The following STK32B variants were observed in gnomAD, a reference collection of about 807,000 sequenced individuals.
The protein encoded by STK32B is serine/threonine kinase 32B.
In STK32B, 43 loss-of-function variants were observed where a neutral mutation model predicts 52.6. That is an observed-to-expected ratio of 0.82 (90% confidence interval 0.64 to 1.05). The LOEUF (loss-of-function observed/expected upper bound fraction) is 1.05. Ranked by LOEUF, STK32B falls within the 50% of genes least tolerant of loss-of-function variation. The probability of loss-of-function intolerance (pLI) is 0.00; values close to 1 mark genes in which losing one functional copy is unlikely to be tolerated. For synonymous variants in STK32B, 238 were observed against 204.3 expected (o/e 1.17, Z -1.41); for missense variants, 621 against 534.6 (o/e 1.16, Z -1.59).
chr4:5,024,307 G>A, the STK32B span, among the ~76,000 whole-genome samples: 2 of 152,352 alleles, frequency 1.3e-5, no homozygotes, highest in African/African-American at 4.8e-5. Context: ...TAAGAGCACA[G>A]CCAAGGCTTC....
chr4:5,054,174 A>G (rs1281304854), intron 1 of STK32B, among the ~76,000 whole-genome samples: 3 of 151,966 alleles, frequency 2.0e-5, no homozygotes, highest in Non-Finnish European at 1.5e-5. Flanking sequence ...TACTATTTGT[A>G]TTTTCTGTAC....
chr4:5,052,578 C>G (rs1741833732), intron 1 of STK32B, among the ~76,000 whole-genome samples: 2 of 152,278 alleles, frequency 1.3e-5, no homozygotes, highest in South Asian at 2.1e-4. Context: ...TAGCAGAACC[C>G]TCTTTCCAGT....
intron 11 of STK32B, among the ~76,000 whole-genome samples, chr4:5,482,703 G>T (rs1037568184): frequency 5.9e-5 from 9 of 152,126 alleles, no homozygotes; most frequent in African/African-American, 2.2e-4. Flanking sequence ...TCCCTATTCA[G>T]TATGATATTG....
intron 4 of STK32B, among the ~76,000 whole-genome samples, chr4:5,354,543 G>C (rs1296817086): frequency 6.6e-6 from 1 of 152,228 alleles, no homozygotes; most frequent in Non-Finnish European, 1.5e-5. Flanking sequence ...TGGGATTACA[G>C]GCGTGACCAC....
intron 3 of STK32B, among the ~76,000 whole-genome samples, chr4:5,312,263 T>TTA (rs530563383): frequency 1.5e-3 from 225 of 151,018 alleles, no homozygotes; most frequent in African/African-American, 5.2e-3. Flanking sequence ...TTTAGTTTTT[T>TTA]TTTTATTTTA....
chr4:5,090,453 G>A (rs1455869187), intron 1 of STK32B, among the ~76,000 whole-genome samples: 3 of 136,166 alleles, frequency 2.2e-5, no homozygotes, highest in Non-Finnish European at 4.6e-5. Flanking sequence ...TTGGCTCACT[G>A]CAAACTCTGC....
At chr4:5,281,142 G>C (rs978242913) in intron 3 of STK32B, among the ~76,000 whole-genome samples, 1 of 145,148 alleles carries the variant, frequency 6.9e-6, no homozygotes, top group Non-Finnish European at 1.5e-5. Flanking sequence ...TAACCAACCA[G>C]ATCTCATGAG....
intron 1 of STK32B, chr4:5,127,242 G>C (rs547295518): frequency 4.5e-6 from 2 of 449,080 alleles, no homozygotes; most frequent in East Asian, 7.0e-5. Flanking sequence ...AAATGTCCTC[G>C]TTGTGTGGAA....
intron 4 of STK32B, among the ~76,000 whole-genome samples, chr4:5,333,411 C>T (rs192407243): frequency 6.6e-6 from 1 of 152,128 alleles, no homozygotes; most frequent in Non-Finnish European, 1.5e-5. Context: ...GGAAAATGTT[C>T]TCCCATTTTG....
chr4:5,165,074 C>G (rs1718766558), intron 2 of STK32B, among the ~76,000 whole-genome samples: 1 of 151,984 alleles, frequency 6.6e-6, no homozygotes, highest in Non-Finnish European at 1.5e-5. Flanking sequence ...GCTCTGTGTT[C>G]CTGAGAAACA....
chr4:5,191,398 A>C (rs543453595), intron 3 of STK32B, among the ~76,000 whole-genome samples: 3 of 151,994 alleles, frequency 2.0e-5, no homozygotes, highest in East Asian at 1.9e-4. Flanking sequence ...TTACAGGCGC[A>C]CACCACCACG....
chr4:5,431,030 C>G (rs1333329558), intron 6 of STK32B, among the ~76,000 whole-genome samples: 2 of 152,164 alleles, frequency 1.3e-5, no homozygotes, highest in Non-Finnish European at 2.9e-5. Context: ...GGCTCTGTGT[C>G]AATGGGTCTT....
At chr4:5,488,293 G>A (rs570325084) in intron 11 of STK32B, among the ~76,000 whole-genome samples, 12 of 152,098 alleles carry the variant, frequency 7.9e-5, no homozygotes, top group Admixed American at 2.6e-4. Flanking sequence ...GTGAGACTCC[G>A]TCTGAAAAAG....
chr4:5,406,200 A>G (rs1577454414), intron 5 of STK32B, among the ~76,000 whole-genome samples: 1 of 152,154 alleles, frequency 6.6e-6, no homozygotes, highest in South Asian at 2.1e-4. Flanking sequence ...CTTTGACTCC[A>G]TATCTCACAT....
At chr4:5,252,288 G>C (rs777917435) in intron 3 of STK32B, among the ~76,000 whole-genome samples, 1 of 152,184 alleles carries the variant, frequency 6.6e-6, no homozygotes, top group Non-Finnish European at 1.5e-5. Flanking sequence ...TTTAGGGCCA[G>C]TGCTAGACAC....
At chr4:5,057,911 TA>T (rs1286461160) in intron 1 of STK32B, among the ~76,000 whole-genome samples, 1 of 152,210 alleles carries the variant, frequency 6.6e-6, no homozygotes, top group African/African-American at 2.4e-5. Context: ...ACACATAGTT[TA>T]GGATACCAGA....
intron 9 of STK32B, among the ~76,000 whole-genome samples, chr4:5,462,268 ATG>A (rs565663462): frequency 2.8e-4 from 40 of 142,228 alleles, no homozygotes; most frequent in African/African-American, 9.1e-4. Flanking sequence ...TTGTGTCTGT[ATG>A]TGTGTGTGTG....
chr4:5,375,474 A>T (rs114715058), intron 4 of STK32B, among the ~76,000 whole-genome samples: 1,710 of 151,902 alleles, frequency 0.011, 21 homozygotes, highest in South Asian at 0.058. Flanking sequence ...TTTCTGAGAA[A>T]TTTTCTTGAC....
At chr4:5,211,453 A>G (rs547644790) in intron 3 of STK32B, among the ~76,000 whole-genome samples, 48 of 152,250 alleles carry the variant, frequency 3.2e-4, no homozygotes, top group African/African-American at 8.7e-4. Flanking sequence ...CTTGTCAACA[A>G]TGGGATGACC....
Sources: gnomAD v4.1 joint callset for allele counts (sites outside exome capture counted in the v4.1 genomes callset) on GRCh38, gnomAD v4.1.1 for gene constraint, MANE v1.5 for transcripts, NCBI Gene and HGNC (gene_info 2026-07-23, HGNC 2026-07-21) for gene names.